STAP2: variants seen among roughly 807,000 people sequenced by gnomAD.
STAP2 encodes signal-transducing adaptor protein 2.
A neutral mutation model predicts 52.7 loss-of-function variants in STAP2; 58 were observed. The ratio of observed to expected loss-of-function variants is 1.10; its 90% CI spans 0.89 to 1.37. The LOEUF (loss-of-function observed/expected upper bound fraction) is 1.37, where lower values mean the gene tolerates loss of function less well. Among genes scored for constraint, STAP2 ranks in the 40% most tolerant of loss-of-function variants. The probability of loss-of-function intolerance (pLI) is 0.00; values close to 1 mark genes in which losing one functional copy is unlikely to be tolerated. For missense variants in STAP2, 522 were observed against 519.4 expected (o/e 1.00, Z -0.05); for synonymous variants, 231 against 210.5 (o/e 1.10, Z -0.84).
At chr19:4,327,668 C>T (rs1287098080) in intron 6 of STAP2, among the ~76,000 whole-genome samples, 1 of 152,150 alleles carries the variant, frequency 6.6e-6, no homozygotes, top group East Asian at 1.9e-4. Context: ...TTGGCACCAC[C>T]TCCAGCGAGG....
chr19:4,327,085 T>A, intron 8 of STAP2, 39 bp downstream of exon 8: 1 of 1,610,438 alleles, frequency 6.2e-7, no homozygotes, highest in Non-Finnish European at 8.5e-7. Context: ...GCGGGAGAGG[T>A]GAGCACTGGG....
intron 3 of STAP2, among the ~76,000 whole-genome samples, chr19:4,333,261 G>C (rs916589951): frequency 6.6e-6 from 1 of 152,100 alleles, no homozygotes; most frequent in East Asian, 1.9e-4. Context: ...TTGGGAAGCC[G>C]AGGTGGGTGG....
chr19:4,332,805 G>A lies in STAP2; in HGVS notation c.298-727C>T, dbSNP rs906357710. Among the ~76,000 whole-genome samples the A allele has an allele frequency of 5.3e-5, 8 of 152,164 alleles. 1 individual carries two copies. The South Asian group carries it at 1.5e-3, about 28-fold the overall frequency. On this transcript the variant is annotated intron_variant, in intron 3 of 12. Transcript: ENST00000594605. ...ATCTCACTACTGCACTCCAGCCTGG[G>A]CGACGAGCAAGACCCTGTCTCAAAA...
At chr19:4,336,165 C>T (rs1300833938) in intron 1 of STAP2, among the ~76,000 whole-genome samples, 3 of 151,956 alleles carry the variant, frequency 2.0e-5, no homozygotes, top group Non-Finnish European at 2.9e-5. Context: ...GTGCGCACCA[C>T]CACATCCAGC....
intron 9 of STAP2, 34 bp from the exon 10 acceptor site, chr19:4,325,579 T>C (rs755829826): frequency 2.1e-5 from 33 of 1,539,884 alleles, no homozygotes; most frequent in Non-Finnish European, 2.8e-5. Context: ...TCAAGACCCA[T>C]GTCATACAGG....
At chr19:4,336,609 G>A (rs983052042) in intron 1 of STAP2, among the ~76,000 whole-genome samples, 6 of 151,886 alleles carry the variant, frequency 4.0e-5, no homozygotes, top group East Asian at 3.9e-4. Flanking sequence ...CACCACGCCC[G>A]GCCCCCATTA....
intron 6 of STAP2, 45 bp downstream of exon 6, chr19:4,328,630 T>TACCC: frequency 4.5e-6 from 7 of 1,541,488 alleles, no homozygotes; most frequent in Non-Finnish European, 5.3e-6. Context: ...CCCACCCTCT[T>TACCC]CCCACCCTCC....
chr19:4,329,198 C>T (rs111325073), intron 5 of STAP2, among the ~76,000 whole-genome samples: 10,970 of 151,936 alleles, frequency 0.072, 609 homozygotes, highest in African/African-American at 0.16. Flanking sequence ...CTCCCTACCT[C>T]AGGTGATCCG....
intron 4 of STAP2, among the ~76,000 whole-genome samples, chr19:4,330,750 C>CT (rs1406379426): frequency 9.4e-6 from 1 of 106,802 alleles, no homozygotes; most frequent in East Asian, 2.8e-4. Context: ...GAGTTTAGTT[C>CT]TGTCACCAAG....
At position 4,327,219 on chromosome 19, in the gene STAP2, C is replaced by T. The variant is rs781188719; in HGVS notation, c.668G>A (p.Cys223Tyr). The change falls in exon 8 of 13, where the codon TGC (cysteine) becomes TAC (tyrosine). Residue 223 changes from cysteine to tyrosine, a missense_variant. Coordinates refer to ENST00000594605, the MANE Select transcript of STAP2 (RefSeq NM_001013841.2). ...YVIDVEQPFSCTSLDAVVNYF... is the reference protein window; with the variant it reads ...YVIDVEQPFSYTSLDAVVNYF... Reference sequence around the variant, plus strand: ...GTTGACCACGGCGTCCAGGGAGGTGCAAGAGAACTGGGGGCAGATGGGGGA... The same window carrying T: ...GTTGACCACGGCGTCCAGGGAGGTGTAAGAGAACTGGGGGCAGATGGGGGA... 10 of 1,614,036 alleles carry T rather than the reference C, an allele frequency of 6.2e-6. No homozygotes were observed. Among genetic ancestry groups the T allele is most frequent in the Non-Finnish European group, 7.6e-6 (9 of 1,180,010 alleles).
At chr19:4,331,965 G>T in intron 4 of STAP2, 57 bp downstream of exon 4, 1 of 1,523,818 alleles carries the variant, frequency 6.6e-7, no homozygotes, top group Non-Finnish European at 8.9e-7. Context: ...GAAAAAGGAG[G>T]CTTTTTGAGG....
chr19:4,324,859 G>A, intron 11 of STAP2: 1 of 424,720 alleles, frequency 2.4e-6, no homozygotes, highest in Non-Finnish European at 4.3e-6. Context: ...GATGAGCTGG[G>A]TGCGGTGGCT....
intron 5 of STAP2, among the ~76,000 whole-genome samples, chr19:4,329,480 G>A (rs930957547): frequency 4.0e-5 from 6 of 151,822 alleles, no homozygotes; most frequent in Admixed American, 1.3e-4. Context: ...GGCACCTAGA[G>A]CCTCCCCTGG....
rs1971756709 is a variant in STAP2, at chr19:4,324,735, G to C, written c.1073-206C>G. 4 of 539,866 alleles carry C rather than the reference G, an allele frequency of 7.4e-6. No individual in the cohort carries two copies. In the African/African-American group the frequency reaches 7.6e-5, roughly 10 times the overall value. The allele number at this position is 539,866 out of a possible 1,614,324, so 33.4% of individuals were successfully genotyped here. ...TAATCCCAGCTACTTGGGAGGCTGA[G>C]GCAGGAGAATCACTTGAACCCGGCA... On this transcript the variant is annotated intron_variant, in intron 11 of 12. Transcript: ENST00000594605.
At chr19:4,338,625 G>A (rs1167181658) in intron 1 of STAP2, 27 bp downstream of exon 1, 1 of 1,405,662 alleles carries the variant, frequency 7.1e-7, no homozygotes, top group Non-Finnish European at 9.5e-7. Flanking sequence ...TGGCCCAGCA[G>A]GGCCAGCCCC....
chr19:4,332,611 G>C (rs1202190095), intron 3 of STAP2, among the ~76,000 whole-genome samples: 1 of 152,004 alleles, frequency 6.6e-6, no homozygotes, highest in Non-Finnish European at 1.5e-5. Context: ...GGGAGGTCGA[G>C]GCGGGAGGAT....
Position 4,338,811 on chromosome 19 carries a change from G to T in STAP2, c.-58C>A. On this transcript the variant is annotated 5_prime_UTR_variant, in exon 1 of 13. Transcript: ENST00000594605. ...TTCCAGTGGGTGCCCCAGCTGGGCC[G>T]GGAAGCTGAGAAACAGGTTTCAGGG... is the stretch of plus-strand genomic sequence containing the variant. The T allele has an allele frequency of 6.4e-7, 1 of 1,567,682 alleles. No individual in the cohort carries two copies. The highest frequency in any genetic ancestry group is 1.2e-5 in the South Asian group (1 of 85,986).
At chr19:4,329,920 G>T (rs375345766) in intron 5 of STAP2, 41 bp downstream of exon 5, 4 of 1,403,898 alleles carry the variant, frequency 2.8e-6, no homozygotes, top group Non-Finnish European at 3.8e-6. Flanking sequence ...ACCACCTCCC[G>T]TCCCCATCCT....
intron 1 of STAP2, among the ~76,000 whole-genome samples, chr19:4,335,383 C>A (rs933296327): frequency 2.0e-5 from 3 of 151,436 alleles, no homozygotes; most frequent in Non-Finnish European, 2.9e-5. Flanking sequence ...GTTCATCCAT[C>A]CATCATCCAC....
Sources: gnomAD v4.1 joint callset for allele counts (sites outside exome capture counted in the v4.1 genomes callset) on GRCh38, gnomAD v4.1.1 for gene constraint, MANE v1.5 for transcripts, NCBI Gene and HGNC (gene_info 2026-07-23, HGNC 2026-07-21) for gene names.